ARMCX4: variants seen among roughly 807,000 people sequenced by gnomAD.
ARMCX4 encodes armadillo repeat-containing X-linked protein 4.
In ARMCX4, 3 loss-of-function variants were observed where a neutral mutation model predicts 34.7. That is an observed-to-expected ratio of 0.09 (90% CI 0.04 to 0.22). The LOEUF (loss-of-function observed/expected upper bound fraction) is 0.22, where lower values mean the gene tolerates loss of function less well. Among genes scored for constraint, ARMCX4 ranks in the 10% least tolerant of loss-of-function variants. ARMCX4 has a pLI of 1.00. For synonymous variants in ARMCX4, 513 were observed against 632.8 expected (o/e 0.81, Z 2.84); for missense variants, 1,448 against 1,720.8 (o/e 0.84, Z 2.81).
chrX:101,467,678 C>T (rs782527783), intron 4 of ARMCX4, among the ~76,000 whole-genome samples: 19 of 111,048 alleles, frequency 1.7e-4, no homozygotes, highest in Non-Finnish European at 2.5e-4. Flanking sequence ...GGGGGGGGGA[C>T]GGTGTCATAA....
intron 4 of ARMCX4, among the ~76,000 whole-genome samples, chrX:101,464,218 C>CA (rs199842946): frequency 0.013 from 1,377 of 108,992 alleles, 24 homozygotes; most frequent in African/African-American, 0.043. Flanking sequence ...ATGAAAAATA[C>CA]AAAAAAAATT....
chrX:101,507,023 G>T (rs782146462), intron 8 of ARMCX4, among the ~76,000 whole-genome samples: 19 of 110,998 alleles, frequency 1.7e-4, no homozygotes, highest in Non-Finnish European at 3.4e-4. Flanking sequence ...TGTATCAGCT[G>T]GGACTTCCTA....
intron 2 of ARMCX4, among the ~76,000 whole-genome samples, chrX:101,426,933 G>C (rs1402079720): frequency 1.8e-5 from 2 of 111,798 alleles, no homozygotes; most frequent in African/African-American, 6.5e-5. Flanking sequence ...CTACATTGTT[G>C]GTTTTATGCT....
At chrX:101,471,577 G>A (rs1556003000) in intron 4 of ARMCX4, among the ~76,000 whole-genome samples, 2 of 111,981 alleles carry the variant, frequency 1.8e-5, no homozygotes, top group Non-Finnish European at 3.8e-5. Flanking sequence ...TTTGAAGAGA[G>A]CAGTGGTTCT....
chrX:101,531,353 C>T (rs1402656874), intron 11 of ARMCX4, among the ~76,000 whole-genome samples: 1 of 111,957 alleles, frequency 8.9e-6, no homozygotes, highest in African/African-American at 3.2e-5. Flanking sequence ...AGCCATTATT[C>T]TTCCCACAAC....
intron 7 of ARMCX4, among the ~76,000 whole-genome samples, chrX:101,501,963 TGGA>T (rs1363086013): frequency 8.9e-6 from 1 of 112,489 alleles, no homozygotes; most frequent in Non-Finnish European, 1.9e-5. Flanking sequence ...AGATGCCATG[TGGA>T]GTTTTTGGAA....
intron 11 of ARMCX4, among the ~76,000 whole-genome samples, chrX:101,527,278 A>T (rs1556020828): frequency 8.9e-6 from 1 of 111,798 alleles, no homozygotes; most frequent in Admixed American, 9.5e-5. Flanking sequence ...TGTTCTTTGA[A>T]ACCAATGAGA....
chrX:101,494,587 A>G lies in ARMCX4; in HGVS notation c.5998A>G (p.Lys2000Glu), dbSNP rs782582854. 2.6e-6 allele frequency: 3 copies of G among 1,155,293 alleles called. No homozygotes were observed. The highest frequency in any genetic ancestry group is 1.9e-5 in the South Asian group (1 of 52,715). The change falls in exon 6 of 6, where the codon AAG becomes GAG. Residue 2000 changes from lysine to glutamate, a missense_variant. By Grantham distance (56) the Lys-to-Glu change is moderately conservative (BLOSUM62 1). Around this residue, in one of 2 missense-constraint regions of ARMCX4, gnomAD observed 1,343 missense variants for 1,540.7 expected, o/e 0.87. Coordinates refer to ENST00000423738, the MANE Select transcript of ARMCX4 (RefSeq NM_001256155.3). ...TGGAGCCATGATCTGGTCGGAAACTAAGTTTGCACACCAAAGTGAGGCCAG... is the reference window on the plus strand; with the variant it reads ...TGGAGCCATGATCTGGTCGGAAACTGAGTTTGCACACCAAAGTGAGGCCAG... ...WDGAMIWSETKFAHQSEASFP... is the reference protein window; with the variant it reads ...WDGAMIWSETEFAHQSEASFP...
At chrX:101,453,449 T>C (rs782072662) in intron 4 of ARMCX4, among the ~76,000 whole-genome samples, 3 of 111,909 alleles carry the variant, frequency 2.7e-5, no homozygotes, top group Non-Finnish European at 5.6e-5. Flanking sequence ...TCTTATCCAA[T>C]AGGTCCCGAG....
chrX:101,524,914 G>A (rs1934932254), intron 11 of ARMCX4, among the ~76,000 whole-genome samples: 1 of 111,790 alleles, frequency 8.9e-6, no homozygotes, highest in South Asian at 3.8e-4. Flanking sequence ...AGACTTAAAC[G>A]TCCCTGTCTG....
In ARMCX4 at chrX:101,493,026, G is replaced by A; in HGVS notation, c.4437G>A (p.Arg1479=). The change falls in exon 6 of 6, where the codon AGG becomes AGA. Residue 1479 remains arginine, a synonymous_variant. Coordinates refer to ENST00000423738, the MANE Select transcript of ARMCX4 (RefSeq NM_001256155.3). ...VSGRGSWADA[R]EQVVGDSRLG... ...GCAGAGGGTCCTGGGCTGATGCCAG[G>A]GAGCAGGTTGTTGGAGATTCTAGGC... 8.7e-7 allele frequency: 1 copy of A among 1,155,460 alleles called. No individual in the cohort carries two copies. Among genetic ancestry groups the A allele is most frequent in the South Asian group, 1.9e-5 (1 of 52,718 alleles).
rs1438575711 is a variant in ARMCX4, at chrX:101,493,679, C to G, written c.5090C>G (p.Ser1697Cys). 4.3e-6 allele frequency: 5 copies of G among 1,150,581 alleles called. No individual in the cohort carries two copies. The highest frequency in any genetic ancestry group is 1.8e-5 in the African/African-American group (1 of 54,664). 94.8% of individuals were successfully genotyped at this position (1,150,581 alleles called of 1,213,427 possible). A position where few individuals can be genotyped will look rare whatever the true frequency, so the allele number is the denominator to read the frequency against. The change falls in exon 6 of 6, where the codon TCT (serine) becomes TGT (cysteine). Residue 1697 changes from serine to cysteine, a missense_variant. Around this residue, in one of 2 missense-constraint regions of ARMCX4, gnomAD observed 1,343 missense variants for 1,540.7 expected, o/e 0.87. Coordinates refer to ENST00000423738, the MANE Select transcript of ARMCX4 (RefSeq NM_001256155.3). ...SRPGNEAIGG[S>C]RMGSEDQATG... Reference sequence around the variant, plus strand: ...CCTGGGAATGAGGCCATTGGAGGATCTAGGATGGGATCTGAGGACCAGGCC... The same window carrying G: ...CCTGGGAATGAGGCCATTGGAGGATGTAGGATGGGATCTGAGGACCAGGCC...
At chrX:101,520,619 TG>T (rs1934830761) in intron 11 of ARMCX4, among the ~76,000 whole-genome samples, 1 of 111,714 alleles carries the variant, frequency 9.0e-6, no homozygotes, top group Admixed American at 9.5e-5. Context: ...AAATCCTTCT[TG>T]GTCGTGATGT....
chrX:101,525,398 A>G (rs1934944039), intron 11 of ARMCX4, among the ~76,000 whole-genome samples: 1 of 111,969 alleles, frequency 8.9e-6, no homozygotes, highest in Non-Finnish European at 1.9e-5. Flanking sequence ...TCTAAAAACC[A>G]GAGCGCCTCT....
chrX:101,476,908 A>G lies in ARMCX4; in HGVS notation c.-472-9115A>G, dbSNP rs185224892. On this transcript the variant is annotated intron_variant and NMD_transcript_variant, in intron 4 of 15. Coordinates refer to the ARMCX4 transcript ENST00000433011. ...ACAATACAATTGATTGATACAAGTT[A>G]TTTGAGAAAATTTTTTTGGCAATTC... 2.7e-3 allele frequency among the ~76,000 whole-genome samples: 301 copies of G among 111,726 alleles called. 1 individual carries two copies. The highest frequency in any genetic ancestry group is 4.0e-3 in the Non-Finnish European group (214 of 53,100).
upstream of ARMCX4, among the ~76,000 whole-genome samples, chrX:101,481,593 A>T (rs1024509504): frequency 8.0e-5 from 9 of 111,914 alleles, no homozygotes; most frequent in African/African-American, 2.6e-4. Context: ...CTTATGTTTG[A>T]TGGGGGTATA....
chrX:101,483,941 C>G (rs1933581786), upstream of ARMCX4, among the ~76,000 whole-genome samples: 1 of 111,295 alleles, frequency 9.0e-6, no homozygotes, highest in Non-Finnish European at 1.9e-5. Context: ...CCTGGAGGGT[C>G]TATATTTGGA....
chrX:101,479,679 C>T (rs1419659588), intron 4 of ARMCX4, among the ~76,000 whole-genome samples: 5 of 109,541 alleles, frequency 4.6e-5, no homozygotes, highest in South Asian at 4.0e-4. Flanking sequence ...CGAGGTTTCA[C>T]GATGTTGGTC....
upstream of ARMCX4, among the ~76,000 whole-genome samples, chrX:101,484,238 C>T (rs1022553262): frequency 2.7e-5 from 3 of 111,442 alleles, no homozygotes; most frequent in Non-Finnish European, 5.6e-5. Flanking sequence ...ATATTGAACA[C>T]TCGCCACTGC....
Sources: allele counts gnomAD v4.1 joint callset (sites outside exome capture counted in the v4.1 genomes callset), GRCh38; gene constraint gnomAD v4.1.1; regional missense constraint gnomAD v4.1.1; transcripts MANE v1.5; gene names NCBI Gene and HGNC (gene_info 2026-07-23, HGNC 2026-07-21).